GRID2: variants seen among roughly 807,000 people sequenced by gnomAD.
The protein encoded by GRID2 is glutamate ionotropic receptor delta type subunit 2.
GRID2 carries 33 observed loss-of-function variants against 114.8 expected under a neutral mutation model. The observed-to-expected ratio is 0.29, with a 90% CI of 0.22 to 0.38. The LOEUF is 0.38. Ranked by LOEUF, GRID2 falls within the 10% of genes least tolerant of loss-of-function variation. GRID2 has a pLI of 1.00. For missense variants in GRID2, 1,184 were observed against 1,257.7 expected, an observed-to-expected ratio of 0.94 and a Z score of 0.89; for synonymous variants, 505 against 449.9, an observed-to-expected ratio of 1.12 and a Z score of -1.55.
intron 8 of GRID2, among the ~76,000 whole-genome samples, chr4:93,278,742 G>C (rs1442421677): frequency 6.6e-6 from 1 of 151,874 alleles, no homozygotes; most frequent in East Asian, 1.9e-4. Flanking sequence ...AAGATCATAG[G>C]AAGAACAACT....
intron 2 of GRID2, among the ~76,000 whole-genome samples, chr4:92,725,832 C>G (rs1395163421): frequency 6.6e-6 from 1 of 152,064 alleles, no homozygotes; most frequent in Non-Finnish European, 1.5e-5. Flanking sequence ...AGCAAACATA[C>G]ATCTAATAAA....
chr4:92,309,186 A>C (rs1725571750), intron 1 of GRID2, among the ~76,000 whole-genome samples: 1 of 152,050 alleles, frequency 6.6e-6, no homozygotes, highest in Admixed American at 6.5e-5. Context: ...TGAAATTGTT[A>C]GGAGTGATGG....
At chr4:92,472,644 G>A (rs1484363320) in intron 1 of GRID2, among the ~76,000 whole-genome samples, 1 of 151,976 alleles carries the variant, frequency 6.6e-6, no homozygotes, top group Non-Finnish European at 1.5e-5. Context: ...GGGATGTCTC[G>A]CTGTGGGTTC....
chr4:92,745,309 G>A (rs1420854464), intron 2 of GRID2, among the ~76,000 whole-genome samples: 1 of 152,100 alleles, frequency 6.6e-6, no homozygotes, highest in Non-Finnish European at 1.5e-5. Flanking sequence ...AACATAATAT[G>A]CTCATTTGAT....
chr4:93,457,706 G>A (rs1343488609), intron 11 of GRID2, among the ~76,000 whole-genome samples: 8 of 152,240 alleles, frequency 5.3e-5, no homozygotes, highest in East Asian at 1.9e-4. Flanking sequence ...TACCTATAGC[G>A]TGGTGTGGGG....
At chr4:92,707,219 T>G (rs1178176699) in intron 2 of GRID2, among the ~76,000 whole-genome samples, 1 of 152,110 alleles carries the variant, frequency 6.6e-6, no homozygotes, top group Non-Finnish European at 1.5e-5. Flanking sequence ...AATTATTGAT[T>G]TACATATATG....
chr4:93,067,226 T>C (rs1004387025), intron 2 of GRID2, among the ~76,000 whole-genome samples: 8 of 152,070 alleles, frequency 5.3e-5, no homozygotes, highest in African/African-American at 1.7e-4. Context: ...TACATGTTTT[T>C]TGAGATGGTA....
chr4:93,253,883 G>A (rs560584910), intron 8 of GRID2, among the ~76,000 whole-genome samples: 15 of 152,118 alleles, frequency 9.9e-5, no homozygotes, highest in African/African-American at 3.6e-4. Flanking sequence ...TAGGTTCCCC[G>A]AGTGTTACTA....
chr4:92,725,127 C>T lies in GRID2; in HGVS notation c.244+134841C>T, dbSNP rs545804979. Among the ~76,000 whole-genome samples the T allele has an allele frequency of 7.9e-5, 12 of 152,150 alleles. No individual in the cohort carries two copies. The South Asian group carries it at 1.9e-3, about 24-fold the overall frequency. ...ACAACTCTGGGCAACATGGCGAAAC[C>T]CCGTCTCTACCAAAAATATGAAAAT... On this transcript the variant is annotated intron_variant, in intron 2 of 15. Transcript: ENST00000282020.
At chr4:92,482,767 C>T (rs756538943) in intron 1 of GRID2, among the ~76,000 whole-genome samples, 21 of 152,050 alleles carry the variant, frequency 1.4e-4, no homozygotes, top group African/African-American at 2.2e-4. Context: ...AAAACTCTAA[C>T]GGAAGAAGAT....
chr4:93,677,399 C>A (rs576022886), intron 14 of GRID2, among the ~76,000 whole-genome samples: 1 of 152,264 alleles, frequency 6.6e-6, no homozygotes, highest in South Asian at 2.1e-4. Context: ...ACTTAAATGT[C>A]CCTATCTGAC....
chr4:92,828,323 TGATA>T (rs908610289), intron 2 of GRID2, among the ~76,000 whole-genome samples: 50 of 152,226 alleles, frequency 3.3e-4, no homozygotes, highest in African/African-American at 8.2e-4. Flanking sequence ...GATTTGCACT[TGATA>T]GATAGACAAA....
intron 8 of GRID2, among the ~76,000 whole-genome samples, chr4:93,341,432 C>T (rs1334870345): frequency 6.6e-6 from 1 of 152,114 alleles, no homozygotes; most frequent in Non-Finnish European, 1.5e-5. Context: ...ACAAGCAACT[C>T]TCAGGCATCA....
chr4:92,579,837 T>G (rs2149201338), intron 1 of GRID2, among the ~76,000 whole-genome samples: 1 of 150,424 alleles, frequency 6.6e-6, no homozygotes, highest in Admixed American at 6.7e-5. Flanking sequence ...AAATTGATTT[T>G]TCTTAAGTAA....
chr4:92,514,401 G>A (rs1724406637), intron 1 of GRID2, among the ~76,000 whole-genome samples: 1 of 151,772 alleles, frequency 6.6e-6, no homozygotes, highest in Non-Finnish European at 1.5e-5. Context: ...GCACTTCTAT[G>A]ACTCAGGTAC....
At chr4:93,412,035 T>C (rs950990912) in intron 9 of GRID2, among the ~76,000 whole-genome samples, 7 of 151,834 alleles carry the variant, frequency 4.6e-5, no homozygotes, top group African/African-American at 1.7e-4. Flanking sequence ...AGTCCAACTC[T>C]GTGTAGATAA....
At chr4:93,443,545 A>G (rs1317440684) in intron 10 of GRID2, among the ~76,000 whole-genome samples, 3 of 152,016 alleles carry the variant, frequency 2.0e-5, no homozygotes, top group African/African-American at 4.8e-5. Context: ...CAACTCCACA[A>G]TTTGTTCACC....
intron 1 of GRID2, among the ~76,000 whole-genome samples, chr4:92,342,537 GA>G (rs988665157): frequency 6.6e-6 from 1 of 152,174 alleles, no homozygotes; most frequent in African/African-American, 2.4e-5. Flanking sequence ...TAGAACTCTA[GA>G]ATGTTTAGGA....
intron 4 of GRID2, among the ~76,000 whole-genome samples, chr4:93,197,819 T>G (rs1428232847): frequency 2.0e-5 from 3 of 152,176 alleles, no homozygotes; most frequent in Non-Finnish European, 2.9e-5. Context: ...TTTCATTTTA[T>G]TTTTCTAGTA....
Sources: gnomAD v4.1 joint callset for allele counts (sites outside exome capture counted in the v4.1 genomes callset) on GRCh38, gnomAD v4.1.1 for gene constraint, MANE v1.5 for transcripts, NCBI Gene and HGNC (gene_info 2026-07-23, HGNC 2026-07-21) for gene names.